Variants in RERE observed in about 807,000 individuals in gnomAD.
The protein encoded by RERE is arginine-glutamic acid dipeptide repeats protein.
RERE carries 40 observed loss-of-function variants against 146.1 expected under a neutral mutation model. That is an observed-to-expected ratio of 0.27 (90% confidence interval 0.21 to 0.36). The LOEUF (loss-of-function observed/expected upper bound fraction) is 0.36. Ranked by LOEUF, RERE falls within the 10% of genes least tolerant of loss-of-function variation. The probability of loss-of-function intolerance (pLI) is 1.00; values close to 1 mark genes in which losing one functional copy is unlikely to be tolerated. For missense variants in RERE, 1,933 were observed against 2,138.7 expected (o/e 0.90, Z 1.90); for synonymous variants, 1,003 against 866.0 (o/e 1.16, Z -2.78).
chr1:8,675,495 CAAA>C (rs56912804), intron 1 of RERE, among the ~76,000 whole-genome samples: 7 of 90,194 alleles, frequency 7.8e-5, no homozygotes, highest in Middle Eastern at 6.2e-3. Flanking sequence ...CCCATCTCTA[CAAA>C]AAAAAAAAAA....
intron 6 of RERE, among the ~76,000 whole-genome samples, chr1:8,545,982 C>CTTTTTTTGTTTT (rs1645855313): frequency 1.4e-5 from 1 of 69,466 alleles, no homozygotes; most frequent in African/African-American, 6.0e-5. Flanking sequence ...CATACCCAGT[C>CTTTTTTTGTTTT]TTTTTTTTTT....
intron 1 of RERE, among the ~76,000 whole-genome samples, chr1:8,697,479 G>A (rs528891364): frequency 2.8e-5 from 4 of 143,994 alleles, no homozygotes; most frequent in African/African-American, 1.0e-4. Context: ...TGCAAGCTCC[G>A]CCTCCCAGGT....
In RERE at chr1:8,360,394, G is replaced by A; in HGVS notation, c.3113C>T (p.Pro1038Leu). ...VAPQPPFAQH[P>L]FVPGGPPPIT... is the part of the protein sequence containing the mutation. ...GGGAGGAGGGCCTCCAGGGACAAAG[G>A]GGTGCTGAGCAAACGGGGGTTGGGG... Residue 1038 changes from proline (P) to leucine (L), a missense_variant, in exon 18 of 23, where the codon CCC becomes CTC. By Grantham distance (98) the Pro-to-Leu change is moderately conservative (BLOSUM62 -3). This residue lies in a region of RERE where 1,255 missense variants were observed against 1,153.8 expected (regional missense o/e 1.09). Transcript: ENST00000400908. 1 of 1,427,108 alleles carries A rather than the reference G, an allele frequency of 7.0e-7. No homozygotes were observed. Among genetic ancestry groups the A allele is most frequent in the Non-Finnish European group, 9.2e-7 (1 of 1,091,680 alleles). 88.4% of individuals were successfully genotyped at this position (1,427,108 alleles called of 1,614,324 possible).
intron 7 of RERE, among the ~76,000 whole-genome samples, chr1:8,531,071 A>ATCT (rs753290901): frequency 4.6e-4 from 65 of 140,370 alleles, no homozygotes; most frequent in East Asian, 1.2e-3. Flanking sequence ...CTATCTATCT[A>ATCT]ACTTTCTATC....
intron 1 of RERE, among the ~76,000 whole-genome samples, chr1:8,718,466 G>A (rs1639801864): frequency 6.6e-6 from 1 of 152,228 alleles, no homozygotes; most frequent in African/African-American, 2.4e-5. Flanking sequence ...AAGAGAAATG[G>A]TGCAAGCCAA....
chr1:8,454,783 C>A (rs866720523), intron 11 of RERE, among the ~76,000 whole-genome samples: 3 of 151,530 alleles, frequency 2.0e-5, no homozygotes, highest in Non-Finnish European at 4.4e-5. Context: ...CCAGCCTGGG[C>A]GACAGGGTAA....
rs924114935 is a variant in RERE at position 8,356,283 on chromosome 1, G to A, written c.4340-37C>T. ...ACAAAACGCCAGATGGAGGCGGTGT[G>A]CAGCTCTTCAATGTTTGTCCCCCTT... On this transcript the variant is annotated intron_variant, in intron 20 of 22. Coordinates refer to ENST00000400908, the MANE Select transcript of RERE (RefSeq NM_001042681.2). The surrounding 1 kb of genome is among the most constrained non-coding windows in gnomAD (Gnocchi z 5.2). 6 of 1,489,070 alleles carry A rather than the reference G, an allele frequency of 4.0e-6. No homozygotes were observed. Among genetic ancestry groups the A allele is most frequent in the Non-Finnish European group, 4.4e-6 (5 of 1,130,528 alleles). 92.2% of individuals were successfully genotyped at this position (1,489,070 alleles called of 1,614,324 possible). A position where few individuals can be genotyped will look rare whatever the true frequency, so the allele number is the denominator to read the frequency against.
intron 10 of RERE, among the ~76,000 whole-genome samples, chr1:8,490,963 T>A (rs1644972407): frequency 6.6e-6 from 1 of 150,662 alleles, no homozygotes; most frequent in South Asian, 2.1e-4. Context: ...TTATTATACA[T>A]AAATCTTACC....
intron 1 of RERE, among the ~76,000 whole-genome samples, chr1:8,807,841 A>T (rs948595862): frequency 6.6e-6 from 1 of 152,182 alleles, no homozygotes; most frequent in Non-Finnish European, 1.5e-5. Context: ...AGGATGAGAG[A>T]GCCCTTGACT....
At chr1:8,369,753 C>G (rs915173009) in intron 12 of RERE, among the ~76,000 whole-genome samples, 2 of 151,998 alleles carry the variant, frequency 1.3e-5, no homozygotes, top group Non-Finnish European at 2.9e-5. Flanking sequence ...AATTCTCACA[C>G]ACAGACTTTC....
chr1:8,533,231 A>AC (rs769626383), intron 7 of RERE, among the ~76,000 whole-genome samples: 2 of 152,186 alleles, frequency 1.3e-5, no homozygotes, highest in Non-Finnish European at 2.9e-5. Context: ...TAAAGGGTGG[A>AC]CCCCTGATGA....
At chr1:8,678,098 G>A (rs369816117) in intron 1 of RERE, among the ~76,000 whole-genome samples, 1 of 152,312 alleles carries the variant, frequency 6.6e-6, no homozygotes, top group East Asian at 1.9e-4. Context: ...TCAGGCTGCA[G>A]AAGCATGGTC....
Position 8,364,023 on chromosome 1 carries a change from T to G in RERE, c.1740+33A>C, listed in dbSNP as rs374897314. The G allele has an allele frequency of 4.4e-6, 7 of 1,598,924 alleles. No individual in the cohort carries two copies. The South Asian group carries it at 7.7e-5, about 18-fold the overall frequency. On this transcript the variant is annotated intron_variant, in intron 15 of 22. Coordinates refer to ENST00000400908, the MANE Select transcript of RERE (RefSeq NM_001042681.2). The surrounding 1 kb of genome is among the most constrained non-coding windows in gnomAD (Gnocchi z 5.1). ...CACACATCCCAGGAAACTGAAGAAG[T>G]TGCCAGGAGCCCCATGGCCCCAGGG...
intron 1 of RERE, among the ~76,000 whole-genome samples, chr1:8,660,623 C>T (rs940450881): frequency 3.3e-5 from 5 of 152,178 alleles, no homozygotes; most frequent in Non-Finnish European, 5.9e-5. Flanking sequence ...ACTCCTGCTG[C>T]CTGTGCTGCC....
chr1:8,762,774 T>C (rs1367752186), intron 1 of RERE, among the ~76,000 whole-genome samples: 3 of 152,308 alleles, frequency 2.0e-5, no homozygotes, highest in South Asian at 2.1e-4. Flanking sequence ...TCTCCAAACA[T>C]TGATGTTTCC....
intron 7 of RERE, among the ~76,000 whole-genome samples, chr1:8,536,326 C>G (rs1645726637): frequency 6.6e-6 from 1 of 152,000 alleles, no homozygotes; most frequent in Admixed American, 6.6e-5. Context: ...GGGACTAGAA[C>G]CCAGGCCACC....
chr1:8,749,972 C>T (rs1373029973), intron 1 of RERE, among the ~76,000 whole-genome samples: 1 of 151,820 alleles, frequency 6.6e-6, no homozygotes, highest in Non-Finnish European at 1.5e-5. Context: ...GCCCACACAG[C>T]GAAACCTCAT....
At chr1:8,634,226 G>C (rs1185513551) in intron 2 of RERE, among the ~76,000 whole-genome samples, 1 of 152,068 alleles carries the variant, frequency 6.6e-6, no homozygotes, top group South Asian at 2.1e-4. Flanking sequence ...TCAACCTTCA[G>C]GACCCAAATG....
chr1:8,783,141 C>G (rs1323494907), intron 1 of RERE, among the ~76,000 whole-genome samples: 1 of 152,108 alleles, frequency 6.6e-6, no homozygotes, highest in Non-Finnish European at 1.5e-5. Context: ...CAAGACCAGC[C>G]TGGGCAACAT....
Sources: gnomAD v4.1 joint callset for allele counts (sites outside exome capture counted in the v4.1 genomes callset) on GRCh38, gnomAD v4.1.1 for gene constraint, gnomAD v4.1.1 regional missense constraint, Gnocchi (gnomAD v3.1) non-coding constraint, MANE v1.5 for transcripts, NCBI Gene and HGNC (gene_info 2026-07-23, HGNC 2026-07-21) for gene names.